DCC: variants seen among roughly 807,000 people sequenced by gnomAD.
DCC encodes the protein netrin receptor DCC.
DCC carries 58 observed loss-of-function variants against 172.5 expected under a neutral mutation model. The observed-to-expected ratio is 0.34, with a 90% CI of 0.27 to 0.42. The LOEUF is 0.42. DCC is among the 10% of genes least tolerant of loss of function. DCC has a pLI of 1.00. For missense variants in DCC, 1,740 were observed against 1,791.0 expected (o/e 0.97, Z 0.51); for synonymous variants, 709 against 644.5 (o/e 1.10, Z -1.52).
chr18:52,918,216 G>A (rs1373547689), intron 3 of DCC, among the ~76,000 whole-genome samples: 2 of 152,172 alleles, frequency 1.3e-5, no homozygotes, highest in African/African-American at 2.4e-5. Context: ...ATTGAACTAT[G>A]TTCATTAATT....
At chr18:52,362,114 C>G (rs560682791) in intron 1 of DCC, among the ~76,000 whole-genome samples, 19 of 152,332 alleles carry the variant, frequency 1.2e-4, no homozygotes, top group African/African-American at 3.6e-4. Flanking sequence ...TTTGCTAACT[C>G]ATATACACCA....
chr18:53,201,726 G>A (rs1187445056), intron 9 of DCC, among the ~76,000 whole-genome samples: 2 of 151,990 alleles, frequency 1.3e-5, no homozygotes, highest in East Asian at 1.9e-4. Context: ...ATGCATCACT[G>A]TACACTTTAA....
At chr18:53,456,505 A>C (rs879389762) in intron 23 of DCC, among the ~76,000 whole-genome samples, 1 of 152,232 alleles carries the variant, frequency 6.6e-6, no homozygotes, top group Non-Finnish European at 1.5e-5. Context: ...ACTCTATGTC[A>C]AATAGAAAAA....
chr18:52,634,687 C>T (rs2034739793), intron 1 of DCC, among the ~76,000 whole-genome samples: 1 of 152,102 alleles, frequency 6.6e-6, no homozygotes, highest in African/African-American at 2.4e-5. Context: ...AACAGTATAA[C>T]TTAGTGGTAG....
chr18:53,494,524 C>T (rs1177953630), intron 26 of DCC, among the ~76,000 whole-genome samples: 1 of 152,160 alleles, frequency 6.6e-6, no homozygotes, highest in Non-Finnish European at 1.5e-5. Context: ...ATTTAGGATA[C>T]TTAGCTCTTC....
intron 7 of DCC, among the ~76,000 whole-genome samples, chr18:53,075,725 T>C (rs1183265540): frequency 6.6e-6 from 1 of 152,184 alleles, no homozygotes; most frequent in African/African-American, 2.4e-5. Context: ...ATAGATTATA[T>C]AGTATGTAGA....
At chr18:52,919,878 T>TAATA (rs1193293105) in intron 3 of DCC, among the ~76,000 whole-genome samples, 2 of 151,848 alleles carry the variant, frequency 1.3e-5, no homozygotes, top group Non-Finnish European at 2.9e-5. Flanking sequence ...ATTGGCAAAA[T>TAATA]AATAGATCCA....
At chr18:53,444,339 C>G (rs1220193578) in intron 22 of DCC, among the ~76,000 whole-genome samples, 3 of 152,072 alleles carry the variant, frequency 2.0e-5, no homozygotes, top group Non-Finnish European at 2.9e-5. Context: ...ATCAGGAGTT[C>G]GAGACCAGCC....
intron 12 of DCC, among the ~76,000 whole-genome samples, chr18:53,279,032 C>T (rs937794079): frequency 4.6e-5 from 7 of 152,116 alleles, no homozygotes; most frequent in African/African-American, 7.2e-5. Flanking sequence ...CCACCAACAG[C>T]GTAAAAGTGT....
chr18:53,013,132 A>G (rs1000501327), intron 5 of DCC, among the ~76,000 whole-genome samples: 3 of 152,190 alleles, frequency 2.0e-5, no homozygotes, highest in Non-Finnish European at 2.9e-5. Context: ...GGGAGTATAA[A>G]TTAGTTCAAC....
chr18:52,768,061 G>A (rs938226430), intron 2 of DCC, among the ~76,000 whole-genome samples: 2 of 152,256 alleles, frequency 1.3e-5, no homozygotes, highest in Non-Finnish European at 1.5e-5. Flanking sequence ...GATGTTAAAT[G>A]TTTTAATTTT....
intron 1 of DCC, among the ~76,000 whole-genome samples, chr18:52,391,622 G>T (rs1986034089): frequency 1.3e-5 from 2 of 152,214 alleles, no homozygotes; most frequent in East Asian, 3.9e-4. Flanking sequence ...ACTCAGAGTG[G>T]CTCATAGATT....
chr18:52,972,873 A>G (rs1006371034), intron 5 of DCC, among the ~76,000 whole-genome samples: 14 of 152,234 alleles, frequency 9.2e-5, no homozygotes, highest in Admixed American at 2.0e-4. Context: ...ACATCACTGA[A>G]TACAGTTTTG....
chr18:52,425,694 C>A (rs1987400853), intron 1 of DCC, among the ~76,000 whole-genome samples: 1 of 152,056 alleles, frequency 6.6e-6, no homozygotes, highest in African/African-American at 2.4e-5. Flanking sequence ...CATTTTGGGA[C>A]TTGGAGGATT....
At chr18:53,021,464 G>A (rs2041880615) in intron 5 of DCC, among the ~76,000 whole-genome samples, 1 of 152,114 alleles carries the variant, frequency 6.6e-6, no homozygotes, top group African/African-American at 2.4e-5. Context: ...AGGGTGACAG[G>A]CACAGTGGAA....
At chr18:52,569,184 C>T (rs1464831092) in intron 1 of DCC, among the ~76,000 whole-genome samples, 1 of 152,210 alleles carries the variant, frequency 6.6e-6, no homozygotes, top group Non-Finnish European at 1.5e-5. Flanking sequence ...GTGTGTGAAG[C>T]ACTGGGCTGG....
intron 2 of DCC, among the ~76,000 whole-genome samples, chr18:52,832,810 C>A (rs1333429869): frequency 6.6e-6 from 1 of 152,162 alleles, no homozygotes; most frequent in South Asian, 2.1e-4. Context: ...ATATGGTTTG[C>A]CAGTTTGGGG....
intron 1 of DCC, among the ~76,000 whole-genome samples, chr18:52,550,246 G>A (rs1021049594): frequency 2.0e-5 from 3 of 151,836 alleles, no homozygotes; most frequent in African/African-American, 7.3e-5. Flanking sequence ...AACTGTCAAG[G>A]TCATCACAAA....
At chr18:53,162,163 G>T (rs905994102) in intron 8 of DCC, among the ~76,000 whole-genome samples, 1 of 151,946 alleles carries the variant, frequency 6.6e-6, no homozygotes, top group Non-Finnish European at 1.5e-5. Context: ...GCTGGACGTG[G>T]TGGCACGCAC....
Sources: allele counts gnomAD v4.1 joint callset (sites outside exome capture counted in the v4.1 genomes callset), GRCh38; gene constraint gnomAD v4.1.1; transcripts MANE v1.5; gene names NCBI Gene and HGNC (gene_info 2026-07-23, HGNC 2026-07-21).